FMNL3: variants seen among roughly 807,000 people sequenced by gnomAD.
FMNL3 encodes the protein formin like 3, also known as formin-like protein 3.
In FMNL3, 57 loss-of-function variants were observed where a neutral mutation model predicts 119.6. The observed-to-expected ratio is 0.48, with a 90% CI of 0.39 to 0.59. The LOEUF is 0.59. Among genes scored for constraint, FMNL3 ranks in the 20% least tolerant of loss-of-function variants. The probability of loss-of-function intolerance (pLI) is 0.00; values close to 1 mark genes in which losing one functional copy is unlikely to be tolerated. For missense variants in FMNL3, 1,053 were observed against 1,323.5 expected, an observed-to-expected ratio of 0.80 and a Z score of 3.17; for synonymous variants, 491 against 507.3, an observed-to-expected ratio of 0.97 and a Z score of 0.43.
At position 49,707,270 on chromosome 12, in the gene FMNL3, C is replaced by G; in HGVS notation, c.-90G>C. 8.0e-7 allele frequency: 1 copy of G among 1,253,162 alleles called. No individual in the cohort carries two copies. The highest frequency in any genetic ancestry group is 1.0e-6 in the Non-Finnish European group (1 of 958,060). The allele number at this position is 1,253,162 out of a possible 1,614,324, so 77.6% of individuals were successfully genotyped here. ...GGCTCCGACCAGGCTCCTCCCTCAGCGCCGGCTCCCCGAGTCCCGACTCCT... is the reference window on the plus strand; with the variant it reads ...GGCTCCGACCAGGCTCCTCCCTCAGGGCCGGCTCCCCGAGTCCCGACTCCT... On this transcript the variant is annotated 5_prime_UTR_variant, in exon 1 of 26. Coordinates refer to ENST00000335154, the MANE Select transcript of FMNL3 (RefSeq NM_175736.5).
Position 49,637,182 on chromosome 12 carries a change from T to C in FMNL3, c.*8633A>G. On this transcript the variant is annotated 3_prime_UTR_variant, in exon 26 of 26. Transcript: ENST00000335154. ...TATTCCCTCAGCTTGGGGGTGGCAG[T>C]GGTGGTGGTAGTGCTAGGGGTTACT... is the stretch of plus-strand genomic sequence containing the variant. The C allele has an allele frequency of 1.8e-6, 1 of 567,016 alleles. No homozygotes were observed. Among genetic ancestry groups the C allele is most frequent in the Admixed American group, 3.1e-5 (1 of 32,338 alleles). 35.1% of individuals were successfully genotyped at this position (567,016 alleles called of 1,614,324 possible). A position where few individuals can be genotyped will look rare whatever the true frequency, so the allele number is the denominator to read the frequency against.
At position 49,636,778 on chromosome 12, in the gene FMNL3, G is replaced by A. The variant is rs772230038; in HGVS notation, c.*9037C>T. 9.3e-6 allele frequency: 15 copies of A among 1,614,150 alleles called. No homozygotes were observed. The Admixed American group carries it at 2.5e-4, about 27-fold the overall frequency. The stretch of plus-strand genomic sequence containing the variant: ...GCACATCCGAGCTTTGGAGAGGGAA[G>A]AGGAGGAGGAACGGGAGCGGGCCCG... On this transcript the variant is annotated 3_prime_UTR_variant, in exon 26 of 26. Coordinates refer to ENST00000335154, the MANE Select transcript of FMNL3 (RefSeq NM_175736.5).
At chr12:49,701,687 C>T (rs1169357772) in intron 1 of FMNL3, among the ~76,000 whole-genome samples, 2 of 151,842 alleles carry the variant, frequency 1.3e-5, no homozygotes, top group African/African-American at 4.8e-5. Context: ...TTTGGGAGGC[C>T]GAGGTGGGCA....
At chr12:49,678,369 G>T (rs1420313113) in intron 1 of FMNL3, among the ~76,000 whole-genome samples, 1 of 151,520 alleles carries the variant, frequency 6.6e-6, no homozygotes, top group Non-Finnish European at 1.5e-5. Context: ...TGTTGGCCAG[G>T]CTGGTCTCAA....
chr12:49,704,532 G>A (rs1474523657), intron 1 of FMNL3, among the ~76,000 whole-genome samples: 3 of 152,034 alleles, frequency 2.0e-5, no homozygotes, highest in Non-Finnish European at 2.9e-5. Context: ...CCAACATGGC[G>A]AAACCCCATC....
intron 1 of FMNL3, among the ~76,000 whole-genome samples, chr12:49,673,812 G>A (rs1944111477): frequency 6.6e-6 from 1 of 152,226 alleles, no homozygotes; most frequent in Admixed American, 6.5e-5. Context: ...TGCTGCTGCC[G>A]CCGCCTCCAC....
chr12:49,662,659 G>A (rs1943768754), intron 4 of FMNL3, among the ~76,000 whole-genome samples: 1 of 152,184 alleles, frequency 6.6e-6, no homozygotes, highest in Non-Finnish European at 1.5e-5. Flanking sequence ...CATGGGAGAT[G>A]AACAGGAACT....
At chr12:49,654,131 T>C (rs949121754) in intron 11 of FMNL3, 61 bp downstream of exon 11, 8 of 1,488,868 alleles carry the variant, frequency 5.4e-6, no homozygotes, top group Non-Finnish European at 7.4e-6. Flanking sequence ...GAAAAATCAT[T>C]TGTGATACGG....
chr12:49,673,444 CA>C (rs1427183985), intron 1 of FMNL3, among the ~76,000 whole-genome samples: 1 of 152,252 alleles, frequency 6.6e-6, no homozygotes, highest in East Asian at 1.9e-4. Flanking sequence ...AGATCTGCCC[CA>C]AGCCAGTGGC....
chr12:49,679,483 A>C, intron 1 of FMNL3, among the ~76,000 whole-genome samples: 3 of 136,314 alleles, frequency 2.2e-5, no homozygotes, highest in Admixed American at 7.4e-5. Flanking sequence ...TCCCATTAGC[A>C]CTCATATTCA....
chr12:49,644,222 G>A lies in FMNL3; in HGVS notation c.*1593C>T, dbSNP rs1468779154. 1.2e-6 allele frequency: 2 copies of A among 1,611,054 alleles called. No individual in the cohort carries two copies. Among genetic ancestry groups the A allele is most frequent in the East Asian group, 2.2e-5 (1 of 44,886 alleles). ...ATGAGCTGTTCTCTGCCTCGGGTCTGTGTGAGGCCATGGCTCCTGGGCCAC... is the reference window on the plus strand; with the variant it reads ...ATGAGCTGTTCTCTGCCTCGGGTCTATGTGAGGCCATGGCTCCTGGGCCAC... On this transcript the variant is annotated 3_prime_UTR_variant, in exon 26 of 26. Coordinates refer to ENST00000335154, the MANE Select transcript of FMNL3 (RefSeq NM_175736.5).
intron 25 of FMNL3, chr12:49,646,675 T>C: frequency 6.5e-7 from 1 of 1,535,766 alleles, no homozygotes; most frequent in Non-Finnish European, 8.7e-7. Flanking sequence ...ACAGTTTGAC[T>C]CATCATGGTG....
chr12:49,642,369 A>G lies in FMNL3; in HGVS notation c.*3446T>C, dbSNP rs1430634976. The G allele has an allele frequency of 1.2e-6, 2 of 1,613,662 alleles. No individual in the cohort carries two copies. Among genetic ancestry groups the G allele is most frequent in the South Asian group, 2.2e-5 (2 of 91,070 alleles). On this transcript the variant is annotated 3_prime_UTR_variant, in exon 26 of 26. Transcript: ENST00000335154. This position sits in a 1 kb window ranked among gnomAD's most constrained non-coding sequence, Gnocchi z 5.8. ...CTCTGGAGCTAGGCACTGCCTGGGA[A>G]GAGGTCAGGAGCGTAGCCTGGCCCC...
rs1475153214 is a variant in FMNL3 at position 49,649,856 on chromosome 12, C to T, written c.2070G>A (p.Glu690=). 5 of 1,614,064 alleles carry T rather than the reference C, an allele frequency of 3.1e-6. No individual in the cohort carries two copies. In the Admixed American group the frequency reaches 5.0e-5, roughly 16 times the overall value. Residue 690 remains glutamate, a synonymous_variant, in exon 18 of 26, where the codon GAG becomes GAA. Coordinates refer to ENST00000335154, the MANE Select transcript of FMNL3 (RefSeq NM_175736.5). The surrounding 1 kb of genome is among the most constrained non-coding windows in gnomAD (Gnocchi z 5.6). The stretch of plus-strand genomic sequence containing the variant: ...GCTCATATTGCCGCAGCAGCTTTAC[C>T]TCAGCCTCTGTGGGCAGGAAGCGCA... ...CLMRFLPTEA[E]VKLLRQYERE...
At chr12:49,679,501 T>A (rs1215905340) in intron 1 of FMNL3, among the ~76,000 whole-genome samples, 1 of 151,638 alleles carries the variant, frequency 6.6e-6, no homozygotes, top group Non-Finnish European at 1.5e-5. Context: ...TCAATCATTC[T>A]TGGAACAGCA....
Position 49,668,192 on chromosome 12 carries a change from A to C in FMNL3, c.210+279T>G, listed in dbSNP as rs1417187392. Among the ~76,000 whole-genome samples, 4 of 133,910 alleles carry C rather than the reference A, an allele frequency of 3.0e-5. No individual in the cohort carries two copies. The East Asian group carries it at 8.9e-4, about 30-fold the overall frequency. The allele number at this position is 133,910 out of a possible 152,430, so 87.9% of individuals were successfully genotyped here. A position where few individuals can be genotyped will look rare whatever the true frequency, so the allele number is the denominator to read the frequency against. ...ACCGGGCATAGCCCTGAACCTGCAC[A>C]GCCAATCCTATACCCCTGATCTACA... On this transcript the variant is annotated intron_variant, in intron 2 of 25. Transcript: ENST00000335154.
intron 21 of FMNL3, 106 bp downstream of exon 21, chr12:49,648,920 TAAC>T: frequency 1.4e-6 from 2 of 1,473,360 alleles, no homozygotes; most frequent in East Asian, 2.3e-5. Flanking sequence ...AGAAAGAAGA[TAAC>T]AAAAGCCAGA....
In FMNL3 at chr12:49,666,025, G is replaced by A; in HGVS notation, c.291+102C>T. On this transcript the variant is annotated intron_variant, in intron 3 of 25. Transcript: ENST00000335154. ...AGAACCCTGAAATCCAACTCCCAAT[G>A]CTCAGAAACAGATGTCCAATATCCA... The A allele has an allele frequency of 3.3e-6, 5 of 1,532,922 alleles. No individual in the cohort carries two copies. In the South Asian group the frequency reaches 5.6e-5, roughly 17 times the overall value. 95.0% of individuals were successfully genotyped at this position (1,532,922 alleles called of 1,614,324 possible).
At chr12:49,657,753 AAC>A (rs1373370606) in intron 6 of FMNL3, among the ~76,000 whole-genome samples, 2 of 152,210 alleles carry the variant, frequency 1.3e-5, no homozygotes, top group Non-Finnish European at 2.9e-5. Flanking sequence ...AAGAATAATC[AAC>A]AGTGTCCAAG....
Sources: gnomAD v4.1 joint callset for allele counts (sites outside exome capture counted in the v4.1 genomes callset) on GRCh38, gnomAD v4.1.1 for gene constraint, Gnocchi (gnomAD v3.1) non-coding constraint, MANE v1.5 for transcripts, NCBI Gene and HGNC (gene_info 2026-07-23, HGNC 2026-07-21) for gene names.